Variants in FGF12 observed in about 807,000 individuals in gnomAD.
FGF12 encodes the protein fibroblast growth factor 12B.
In FGF12, 14 loss-of-function variants were observed where a neutral mutation model predicts 23.6. That is an observed-to-expected ratio of 0.59 (90% CI 0.39 to 0.93). The LOEUF (loss-of-function observed/expected upper bound fraction) is 0.93. FGF12 is among the 40% of genes least tolerant of loss of function. FGF12 has a pLI of 0.00. For missense variants in FGF12, 175 were observed against 217.8 expected (o/e 0.80, Z 1.24); for synonymous variants, 62 against 77.3 (o/e 0.80, Z 1.04).
intron 4 of FGF12, among the ~76,000 whole-genome samples, chr3:192,271,067 C>T (rs1713406330): frequency 6.6e-6 from 1 of 152,108 alleles, no homozygotes; most frequent in Non-Finnish European, 1.5e-5. Context: ...TTAGACATTG[C>T]CAAAGATTTC....
intron 2 of FGF12, among the ~76,000 whole-genome samples, chr3:192,634,161 C>A (rs1301188074): frequency 2.0e-5 from 3 of 151,526 alleles, no homozygotes; most frequent in Non-Finnish European, 4.4e-5. Flanking sequence ...TTCTCTCTTT[C>A]ATCTTTTTCT....
intron 4 of FGF12, among the ~76,000 whole-genome samples, chr3:192,200,471 C>G (rs536381696): frequency 6.6e-6 from 1 of 152,108 alleles, no homozygotes; most frequent in Non-Finnish European, 1.5e-5. Flanking sequence ...CAGAAAAACA[C>G]TAGATCCAAG....
At chr3:192,233,877 G>T (rs934920566) in intron 4 of FGF12, among the ~76,000 whole-genome samples, 1 of 151,904 alleles carries the variant, frequency 6.6e-6, no homozygotes, top group African/African-American at 2.4e-5. Flanking sequence ...TTATTTCCGG[G>T]TTATCTAATA....
intron 2 of FGF12, among the ~76,000 whole-genome samples, chr3:192,541,960 A>G (rs1317484213): frequency 1.3e-5 from 2 of 148,174 alleles, no homozygotes; most frequent in Admixed American, 6.8e-5. Context: ...TCCTTTCTTT[A>G]TCTTTGACGT....
At chr3:192,323,054 C>A (rs1180742477) in intron 4 of FGF12, among the ~76,000 whole-genome samples, 1 of 152,004 alleles carries the variant, frequency 6.6e-6, no homozygotes, top group Non-Finnish European at 1.5e-5. Flanking sequence ...TGGCTGTTAT[C>A]CAAAAGACAG....
At position 192,666,910 on chromosome 3, in the gene FGF12, AGATAGAT is replaced by A. The variant is rs1387377474; in HGVS notation, c.13+60264_13+60270del. On this transcript the variant is annotated intron_variant, in intron 2 of 5. Coordinates refer to ENST00000445105, the MANE Select transcript of FGF12 (RefSeq NM_004113.6). ...AGTTTAGATGGATGGATAGTTGGAT[AGATAGAT>A]GATAGATAGATAGATAGATAGATAG... is the stretch of plus-strand genomic sequence containing the variant. 7.3e-3 allele frequency among the ~76,000 whole-genome samples: 1,015 copies of A among 138,494 alleles called. 12 individuals are homozygous for A. Among genetic ancestry groups the A allele is most frequent in the African/African-American group, 0.027 (987 of 36,150 alleles). 90.9% of individuals were successfully genotyped at this position (138,494 alleles called of 152,430 possible).
intron 4 of FGF12, among the ~76,000 whole-genome samples, chr3:192,304,056 G>A (rs111880878): frequency 2.6e-5 from 4 of 152,266 alleles, no homozygotes; most frequent in African/African-American, 9.6e-5. Context: ...GAAGACTGTA[G>A]TAAGCACTCA....
At chr3:192,398,386 CT>C (rs749956480) in intron 2 of FGF12, among the ~76,000 whole-genome samples, 219 of 72,404 alleles carry the variant, frequency 3.0e-3, no homozygotes, top group African/African-American at 5.0e-3. Flanking sequence ...TTTCTTTTTT[CT>C]TTTTTTTTTT....
intron 2 of FGF12, among the ~76,000 whole-genome samples, chr3:192,379,472 C>G (rs1719722925): frequency 6.8e-6 from 1 of 147,556 alleles, no homozygotes. Context: ...CTTTTGTACT[C>G]TGTTATCTTC....
intron 4 of FGF12, among the ~76,000 whole-genome samples, chr3:192,271,559 T>A (rs1713439414): frequency 1.3e-5 from 2 of 152,190 alleles, no homozygotes; most frequent in South Asian, 4.1e-4. Context: ...CCTACCTGCC[T>A]ATCTCTAGCT....
intron 2 of FGF12, among the ~76,000 whole-genome samples, chr3:192,622,445 A>T (rs1715009488): frequency 6.6e-6 from 1 of 152,114 alleles, no homozygotes; most frequent in East Asian, 1.9e-4. Flanking sequence ...GACATACAAC[A>T]TTCTCTCATG....
chr3:192,448,783 AT>A (rs1484171779), intron 2 of FGF12, among the ~76,000 whole-genome samples: 6 of 152,180 alleles, frequency 3.9e-5, no homozygotes, highest in African/African-American at 1.2e-4. Context: ...AATAAATATT[AT>A]TTTTTATACT....
intron 2 of FGF12, among the ~76,000 whole-genome samples, chr3:192,652,730 T>C (rs1716259403): frequency 6.6e-6 from 1 of 152,202 alleles, no homozygotes; most frequent in Admixed American, 6.5e-5. Flanking sequence ...GACTGTGATG[T>C]TCACTCAAAT....
At chr3:192,649,690 G>C (rs1200812095) in intron 2 of FGF12, among the ~76,000 whole-genome samples, 2 of 151,446 alleles carry the variant, frequency 1.3e-5, no homozygotes, top group Admixed American at 1.3e-4. Context: ...TAGGAGTGCG[G>C]AATTATAGGC....
intron 2 of FGF12, among the ~76,000 whole-genome samples, chr3:192,613,996 G>A (rs767831732): frequency 6.6e-6 from 1 of 151,796 alleles, no homozygotes; most frequent in African/African-American, 2.4e-5. Flanking sequence ...AGTCATAAGA[G>A]CATGCTCTCC....
Position 192,409,938 on chromosome 3 carries a change from G to T in FGF12, c.14-49400C>A, listed in dbSNP as rs917093957. On this transcript the variant is annotated intron_variant, in intron 2 of 5. Transcript: ENST00000445105. This position sits in a 1 kb window ranked among gnomAD's most constrained non-coding sequence, Gnocchi z 4.8. ...CGCCGCCGCCTCCCCAGGCCCGGGA[G>T]GGGGCGCTCAGGGTGGAGTCCCATT... 2.2e-4 allele frequency among the ~76,000 whole-genome samples: 34 copies of T among 152,082 alleles called. No individual in the cohort carries two copies. The highest frequency in any genetic ancestry group is 7.2e-4 in the African/African-American group (30 of 41,542).
intron 2 of FGF12, among the ~76,000 whole-genome samples, chr3:192,475,759 G>A (rs182626508): frequency 9.5e-4 from 145 of 152,240 alleles, no homozygotes; most frequent in African/African-American, 3.2e-3. Flanking sequence ...CTCGTGATAG[G>A]GAAATTCACA....
intron 2 of FGF12, among the ~76,000 whole-genome samples, chr3:192,569,024 A>C (rs1712472518): frequency 1.3e-5 from 2 of 152,222 alleles, no homozygotes; most frequent in African/African-American, 2.4e-5. Flanking sequence ...AACAGGAGAA[A>C]ACAGTACATG....
At chr3:192,312,677 G>A (rs370609981) in intron 4 of FGF12, among the ~76,000 whole-genome samples, 5 of 151,140 alleles carry the variant, frequency 3.3e-5, no homozygotes, top group South Asian at 2.1e-4. Context: ...ATGTTATGCC[G>A]TGGAGCTTGC....
Sources: gnomAD v4.1 joint callset for allele counts (sites outside exome capture counted in the v4.1 genomes callset) on GRCh38, gnomAD v4.1.1 for gene constraint, Gnocchi (gnomAD v3.1) non-coding constraint, MANE v1.5 for transcripts, NCBI Gene and HGNC (gene_info 2026-07-23, HGNC 2026-07-21) for gene names.